The following PCDH11Y variants were observed in gnomAD, a reference collection of about 807,000 sequenced individuals.
PCDH11Y encodes the protein protocadherin 11 Y-linked.
For missense variants in PCDH11Y, 12 were observed against 224.8 expected (o/e 0.05, Z 6.05); for synonymous variants, 9 against 83.6 (o/e 0.11, Z 4.87).
intron 3 of PCDH11Y, among the ~76,000 whole-genome samples, chrY:5,048,607 A>G: frequency 3.0e-5 from 1 of 33,289 alleles, no homozygotes; most frequent in Non-Finnish European, 7.4e-5. Context: ...CTAGTGTGAG[A>G]TGATATCTCA....
At chrY:5,407,862 C>G in intron 2 of PCDH11Y, among the ~76,000 whole-genome samples, 3 of 25,814 alleles carry the variant, frequency 1.2e-4, no homozygotes, top group Non-Finnish European at 2.6e-4. Context: ...TGCAGTGAGC[C>G]GAGATCGCGC....
At chrY:5,281,146 A>T (rs1198895256) in intron 2 of PCDH11Y, among the ~76,000 whole-genome samples, 3 of 31,794 alleles carry the variant, frequency 9.4e-5, no homozygotes, top group Non-Finnish European at 2.3e-4. Flanking sequence ...CTTTTGTTGC[A>T]ATTACTTTTG....
At chrY:5,481,996 C>CTT (rs757309451) in intron 2 of PCDH11Y, among the ~76,000 whole-genome samples, 2 of 15,075 alleles carry the variant, frequency 1.3e-4, no homozygotes, top group Non-Finnish European at 3.1e-4. Context: ...GTTCTTTTTT[C>CTT]TTTTTTTTTT....
intron 4 of PCDH11Y, among the ~76,000 whole-genome samples, chrY:5,592,950 T>A: frequency 3.3e-5 from 1 of 30,208 alleles, no homozygotes; most frequent in South Asian, 7.6e-4. Flanking sequence ...AATTTTTTTT[T>A]TTTATTTTGA....
At chrY:5,140,425 G>C in intron 2 of PCDH11Y, among the ~76,000 whole-genome samples, 1 of 29,943 alleles carries the variant, frequency 3.3e-5, no homozygotes, top group Admixed American at 3.2e-4. Context: ...AAGTATAAAA[G>C]TGTTGCGCAT....
At chrY:5,292,718 T>A in intron 2 of PCDH11Y, among the ~76,000 whole-genome samples, 1 of 33,494 alleles carries the variant, frequency 3.0e-5, no homozygotes, top group Non-Finnish European at 7.4e-5. Flanking sequence ...ATCTTCTATG[T>A]TGTTTTCCTC....
chrY:5,583,953 T>A, intron 4 of PCDH11Y, among the ~76,000 whole-genome samples: 1 of 26,593 alleles, frequency 3.8e-5, no homozygotes, highest in Non-Finnish European at 9.0e-5. Context: ...AGCTAGGACT[T>A]CCAGTACTAT....
intron 1 of PCDH11Y, among the ~76,000 whole-genome samples, chrY:5,029,833 C>G (rs1602840452): frequency 7.6e-5 from 2 of 26,189 alleles, no homozygotes; most frequent in East Asian, 1.0e-3. Flanking sequence ...TGAGGCAGGA[C>G]AATTGCTTGA....
chrY:5,168,070 A>G (rs2052881957), intron 2 of PCDH11Y, among the ~76,000 whole-genome samples: 1 of 29,360 alleles, frequency 3.4e-5, no homozygotes, highest in African/African-American at 1.3e-4. Context: ...TTTTTCTTAG[A>G]TTTTTATACA....
chrY:5,287,639 C>T (rs2053061875), intron 2 of PCDH11Y, among the ~76,000 whole-genome samples: 1 of 32,224 alleles, frequency 3.1e-5, no homozygotes, highest in Non-Finnish European at 7.5e-5. Flanking sequence ...AGCTGGAAAC[C>T]GTCATTCTCA....
At chrY:5,679,115 G>T in intron 4 of PCDH11Y, among the ~76,000 whole-genome samples, 3 of 32,747 alleles carry the variant, frequency 9.2e-5, no homozygotes, top group Admixed American at 8.3e-4. Context: ...GCTGGGCTTA[G>T]AGTCAGTGAA....
intron 4 of PCDH11Y, among the ~76,000 whole-genome samples, chrY:5,700,890 G>T (rs2053577178): frequency 3.1e-5 from 1 of 31,888 alleles, no homozygotes; most frequent in South Asian, 7.2e-4. Context: ...CTAACAAAAT[G>T]CTGACAGTAA....
chrY:5,266,370 C>CT (rs2053026041), intron 2 of PCDH11Y, among the ~76,000 whole-genome samples: 1 of 31,976 alleles, frequency 3.1e-5, no homozygotes, highest in African/African-American at 1.2e-4. Context: ...CCCATCTCTA[C>CT]TAAAAATACA....
At chrY:5,287,605 T>C (rs2053061808) in intron 2 of PCDH11Y, among the ~76,000 whole-genome samples, 1 of 32,872 alleles carries the variant, frequency 3.0e-5, no homozygotes, top group Non-Finnish European at 7.4e-5. Flanking sequence ...GATGAGTTCA[T>C]GTCCTTTGCA....
intron 1 of PCDH11Y, among the ~76,000 whole-genome samples, chrY:5,024,708 G>A: frequency 3.1e-5 from 1 of 32,511 alleles, no homozygotes; most frequent in South Asian, 6.8e-4. Context: ...TGAAGCCTCC[G>A]TATAATTGTT....
intron 2 of PCDH11Y, among the ~76,000 whole-genome samples, chrY:5,172,321 G>A: frequency 3.1e-5 from 1 of 32,029 alleles, no homozygotes; most frequent in South Asian, 7.1e-4. Flanking sequence ...CAGGCATAAG[G>A]AGGATTCCTG....
In PCDH11Y at chrY:5,356,251, A is replaced by G. The variant is rs1569476918; in HGVS notation, c.3130-144806A>G. Among the ~76,000 whole-genome samples, 5 of 33,748 alleles carry G rather than the reference A, an allele frequency of 1.5e-4. No homozygotes were observed. The East Asian group carries it at 4.0e-3, about 27-fold the overall frequency. The allele number at this position is 33,748 out of a possible 37,273, so 90.5% of individuals were successfully genotyped here. A position where few individuals can be genotyped will look rare whatever the true frequency, so the allele number is the denominator to read the frequency against. Reference sequence around the variant, plus strand: ...TGTAAGTGTGCATCCATTTAAAGACATAAGTGATTAACTTCTTTTGATCTA... The same window carrying G: ...TGTAAGTGTGCATCCATTTAAAGACGTAAGTGATTAACTTCTTTTGATCTA... On this transcript the variant is annotated intron_variant, in intron 2 of 4. Coordinates refer to the PCDH11Y transcript ENST00000400457.
At chrY:5,055,853 C>T, upstream of PCDH11Y, among the ~76,000 whole-genome samples, 1 of 31,030 alleles carries the variant, frequency 3.2e-5, no homozygotes, top group Non-Finnish European at 7.9e-5. Context: ...ACTTTCAACT[C>T]GGTACTGTTT....
At chrY:5,674,197 C>T in intron 4 of PCDH11Y, among the ~76,000 whole-genome samples, 2 of 33,434 alleles carry the variant, frequency 6.0e-5, no homozygotes, top group Non-Finnish European at 1.5e-4. Flanking sequence ...TGTTTACAAA[C>T]GCGTATTCTC....
Sources: allele counts gnomAD v4.1 joint callset (sites outside exome capture counted in the v4.1 genomes callset), GRCh38; gene constraint gnomAD v4.1.1; transcripts MANE v1.5; gene names NCBI Gene and HGNC (gene_info 2026-07-23, HGNC 2026-07-21).